Variants in SDHAF3 observed in about 807,000 individuals in gnomAD.
SDHAF3 encodes the protein succinate dehydrogenase assembly factor 3, mitochondrial.
SDHAF3 carries 18 observed loss-of-function variants against 11.5 expected under a neutral mutation model. The observed-to-expected ratio is 1.56, with a 90% CI of 1.08 to 2.32. The LOEUF is 2.32. SDHAF3 is among the 30% of genes most tolerant of loss of function. The pLI is 0.00. For missense variants in SDHAF3, 200 were observed against 154.4 expected (o/e 1.30, Z -1.57); for synonymous variants, 72 against 59.3 (o/e 1.21, Z -0.99).
chr7:97,124,966 T>C (rs891569471), intron 1 of SDHAF3, among the ~76,000 whole-genome samples: 1 of 152,194 alleles, frequency 6.6e-6, no homozygotes, highest in Non-Finnish European at 1.5e-5. Flanking sequence ...TCTCTTCTTA[T>C]TTGAATACGT....
At chr7:97,170,033 T>G (rs1178387383) in intron 1 of SDHAF3, among the ~76,000 whole-genome samples, 1 of 152,118 alleles carries the variant, frequency 6.6e-6, no homozygotes, top group African/African-American at 2.4e-5. Flanking sequence ...TTCTTGCTAC[T>G]TTGCTAGAAC....
intron 1 of SDHAF3, among the ~76,000 whole-genome samples, chr7:97,153,244 GT>G (rs1229122916): frequency 1.3e-5 from 2 of 152,170 alleles, no homozygotes; most frequent in Admixed American, 6.5e-5. Context: ...ACTGATCTGT[GT>G]ACTCTCACCC....
chr7:97,129,704 A>T (rs1405330837), intron 1 of SDHAF3, among the ~76,000 whole-genome samples: 1 of 152,080 alleles, frequency 6.6e-6, no homozygotes, highest in African/African-American at 2.4e-5. Context: ...GGCCGGCAGC[A>T]CCCCTGCCCA....
chr7:97,181,556 G>A lies in SDHAF3; in HGVS notation c.*341G>A, dbSNP rs970131205. 5.8e-6 allele frequency: 1 copy of A among 173,058 alleles called. No homozygotes were observed. Among genetic ancestry groups the A allele is most frequent in the Non-Finnish European group, 1.2e-5 (1 of 80,978 alleles). 10.7% of individuals were successfully genotyped at this position (173,058 alleles called of 1,614,324 possible). A position where few individuals can be genotyped will look rare whatever the true frequency, so the allele number is the denominator to read the frequency against. On this transcript the variant is annotated 3_prime_UTR_variant, in exon 2 of 2. Coordinates refer to ENST00000432641, the MANE Select transcript of SDHAF3 (RefSeq NM_020186.3). ...TAAGCATGTTGTGATAATGATAGAT[G>A]TACAATTCCAACAAGGTTATTATTT... is the stretch of plus-strand genomic sequence containing the variant.
intron 1 of SDHAF3, among the ~76,000 whole-genome samples, chr7:97,131,033 C>G (rs1244097431): frequency 6.6e-6 from 1 of 152,210 alleles, no homozygotes; most frequent in Non-Finnish European, 1.5e-5. Flanking sequence ...TGGACCTGCC[C>G]TTGTCTGCCT....
At chr7:97,170,623 T>A (rs1335553594) in intron 1 of SDHAF3, among the ~76,000 whole-genome samples, 3 of 152,200 alleles carry the variant, frequency 2.0e-5, no homozygotes, top group Non-Finnish European at 4.4e-5. Context: ...AACATTTCCT[T>A]ACTACTTCCT....
At chr7:97,151,356 G>A (rs1425121866) in intron 1 of SDHAF3, among the ~76,000 whole-genome samples, 1 of 152,088 alleles carries the variant, frequency 6.6e-6, no homozygotes, top group Non-Finnish European at 1.5e-5. Context: ...CTAGGGAGTG[G>A]AGGTGAGGAC....
chr7:97,168,247 A>T (rs1789544481), intron 1 of SDHAF3, among the ~76,000 whole-genome samples: 1 of 152,218 alleles, frequency 6.6e-6, no homozygotes, highest in Non-Finnish European at 1.5e-5. Context: ...AAAATCCTGC[A>T]TCAATCTTAA....
At chr7:97,133,250 G>A (rs1291346856) in intron 1 of SDHAF3, among the ~76,000 whole-genome samples, 1 of 152,138 alleles carries the variant, frequency 6.6e-6, no homozygotes, top group African/African-American at 2.4e-5. Context: ...AAGACTTTAT[G>A]TACATTTATG....
chr7:97,148,223 C>G (rs1789165949), intron 1 of SDHAF3, among the ~76,000 whole-genome samples: 1 of 152,118 alleles, frequency 6.6e-6, no homozygotes, highest in African/African-American at 2.4e-5. Context: ...ACGATAACAT[C>G]AGATGTTTCA....
chr7:97,180,254 A>C (rs1176384719), intron 1 of SDHAF3, among the ~76,000 whole-genome samples: 2 of 152,178 alleles, frequency 1.3e-5, no homozygotes, highest in Non-Finnish European at 2.9e-5. Context: ...ATGAATTTAG[A>C]CTCACTTGAA....
At chr7:97,145,262 A>C (rs1006525614) in intron 1 of SDHAF3, among the ~76,000 whole-genome samples, 1 of 152,104 alleles carries the variant, frequency 6.6e-6, no homozygotes, top group African/African-American at 2.4e-5. Context: ...ATGGCAGAAG[A>C]TACTTATGTC....
At chr7:97,133,705 C>T (rs1791704075) in intron 1 of SDHAF3, among the ~76,000 whole-genome samples, 1 of 152,120 alleles carries the variant, frequency 6.6e-6, no homozygotes, top group East Asian at 1.9e-4. Flanking sequence ...ATTTAATTAG[C>T]TTAACCCTAG....
At chr7:97,141,914 T>C (rs1352622760) in intron 1 of SDHAF3, among the ~76,000 whole-genome samples, 3 of 152,134 alleles carry the variant, frequency 2.0e-5, no homozygotes, top group Admixed American at 1.3e-4. Context: ...TAGTATGTTT[T>C]AATAGATGTT....
At chr7:97,123,836 T>C (rs1450375085) in intron 1 of SDHAF3, among the ~76,000 whole-genome samples, 1 of 146,058 alleles carries the variant, frequency 6.8e-6, no homozygotes, top group East Asian at 2.2e-4. Flanking sequence ...CGCCCACTTT[T>C]GGATGGGTTT....
chr7:97,161,185 A>G (rs1043171325), intron 1 of SDHAF3, among the ~76,000 whole-genome samples: 2 of 152,118 alleles, frequency 1.3e-5, no homozygotes, highest in African/African-American at 4.8e-5. Context: ...GCCTGTCTGT[A>G]GGCTAATGTG....
intron 1 of SDHAF3, among the ~76,000 whole-genome samples, chr7:97,165,631 C>T (rs989921916): frequency 2.0e-5 from 3 of 151,898 alleles, no homozygotes; most frequent in African/African-American, 4.8e-5. Flanking sequence ...TGGGATAAAC[C>T]TCGGTCTGAA....
intron 1 of SDHAF3, among the ~76,000 whole-genome samples, chr7:97,168,846 T>TTCTTATATTCTCCTTTA (rs986192878): frequency 6.6e-6 from 1 of 152,242 alleles, no homozygotes; most frequent in Non-Finnish European, 1.5e-5. Flanking sequence ...TACATACTTA[T>TTCTTATATTCTCCTTTA]TCTTATATTC....
chr7:97,166,025 C>T (rs982953536), intron 1 of SDHAF3, among the ~76,000 whole-genome samples: 3 of 152,110 alleles, frequency 2.0e-5, no homozygotes, highest in Non-Finnish European at 2.9e-5. Context: ...TACAGGTGTC[C>T]TCAACAATAT....
Sources: gnomAD v4.1 joint callset for allele counts (sites outside exome capture counted in the v4.1 genomes callset) on GRCh38, gnomAD v4.1.1 for gene constraint, MANE v1.5 for transcripts, NCBI Gene and HGNC (gene_info 2026-07-23, HGNC 2026-07-21) for gene names.